Variants in PHTF2 observed in about 807,000 individuals in gnomAD.
PHTF2 encodes the protein putative homeodomain transcription factor 2.
In PHTF2, 60 loss-of-function variants were observed where a neutral mutation model predicts 101.2. That is an observed-to-expected ratio of 0.59 (90% CI 0.48 to 0.73). The LOEUF (loss-of-function observed/expected upper bound fraction) is 0.73, where lower values mean the gene tolerates loss of function less well. Among genes scored for constraint, PHTF2 ranks in the 30% least tolerant of loss-of-function variants. The pLI is 0.00. For synonymous variants in PHTF2, 311 were observed against 307.3 expected (o/e 1.01, Z -0.13); for missense variants, 747 against 908.7 (o/e 0.82, Z 2.29).
rs554912239 is a variant in PHTF2, at chr7:77,834,336, T to A, written c.-35-5885T>A. Among the ~76,000 whole-genome samples, 11 of 137,596 alleles carry A rather than the reference T, an allele frequency of 8.0e-5. No homozygotes were observed. The East Asian group carries it at 8.2e-4, about 10-fold the overall frequency. 90.3% of individuals were successfully genotyped at this position (137,596 alleles called of 152,430 possible). ...TCAAAAAAAAAAAAAAAAAAAAAAA[T>A]TTTAAACGGAAGGAAGAAGCAGTTC... On this transcript the variant is annotated intron_variant, in intron 1 of 19. Coordinates refer to ENST00000416283, the Ensembl canonical transcript of PHTF2.
intron 3 of PHTF2, among the ~76,000 whole-genome samples, chr7:77,881,545 T>C (rs1305354993): frequency 2.0e-5 from 3 of 152,020 alleles, no homozygotes; most frequent in African/African-American, 7.2e-5. Context: ...TTCTTTTTTC[T>C]TTTTTTGTAG....
chr7:77,859,669 T>A (rs770661678), intron 3 of PHTF2, among the ~76,000 whole-genome samples: 2 of 151,576 alleles, frequency 1.3e-5, no homozygotes, highest in Non-Finnish European at 2.9e-5. Context: ...GCCTAAGCGA[T>A]CTTCCCGCCT....
At chr7:77,839,533 A>T (rs1795712320) in intron 1 of PHTF2, among the ~76,000 whole-genome samples, 1 of 152,174 alleles carries the variant, frequency 6.6e-6, no homozygotes, top group Non-Finnish European at 1.5e-5. Context: ...CAGTAGCTTA[A>T]TTTTTTTCAA....
chr7:77,821,737 G>C (rs1002332694), intron 1 of PHTF2, among the ~76,000 whole-genome samples: 5 of 152,040 alleles, frequency 3.3e-5, no homozygotes, highest in Non-Finnish European at 5.9e-5. Flanking sequence ...TCTCAGGTTT[G>C]GGATGCAGAT....
chr7:77,812,026 C>A (rs1177218080), intron 1 of PHTF2, among the ~76,000 whole-genome samples: 1 of 152,086 alleles, frequency 6.6e-6, no homozygotes, highest in African/African-American at 2.4e-5. Context: ...AATTATAGCT[C>A]CAATGTTTTG....
chr7:77,844,607 C>T (rs1168227291), intron 2 of PHTF2, among the ~76,000 whole-genome samples: 1 of 152,172 alleles, frequency 6.6e-6, no homozygotes, highest in Non-Finnish European at 1.5e-5. Flanking sequence ...TCACAGCAAC[C>T]TCTGCCTCTT....
intron 1 of PHTF2, among the ~76,000 whole-genome samples, chr7:77,829,466 G>C (rs1166951795): frequency 6.6e-6 from 1 of 152,002 alleles, no homozygotes; most frequent in Non-Finnish European, 1.5e-5. Flanking sequence ...TAAAACGTGT[G>C]GTGTTTATTC....
chr7:77,865,365 A>G (rs1584526655), intron 3 of PHTF2, among the ~76,000 whole-genome samples: 1 of 151,870 alleles, frequency 6.6e-6, no homozygotes, highest in East Asian at 1.9e-4. Context: ...AGCTGGGACT[A>G]CAGGCATGCG....
At chr7:77,824,671 T>C (rs1057236244) in intron 1 of PHTF2, among the ~76,000 whole-genome samples, 3 of 152,164 alleles carry the variant, frequency 2.0e-5, no homozygotes, top group African/African-American at 7.2e-5. Flanking sequence ...CTGCCCGCCT[T>C]GGCCTCCCAA....
intron 11 of PHTF2, among the ~76,000 whole-genome samples, chr7:77,926,551 G>A (rs191822143): frequency 6.6e-6 from 1 of 151,756 alleles, no homozygotes; most frequent in Non-Finnish European, 1.5e-5. Flanking sequence ...ATTCACTCAA[G>A]GTATTTTGTT....
chr7:77,890,609 T>TA (rs1199559162), intron 3 of PHTF2, among the ~76,000 whole-genome samples: 3 of 140,798 alleles, frequency 2.1e-5, no homozygotes, highest in African/African-American at 7.9e-5. Context: ...CTTTTTTTTT[T>TA]TTTTTTTTTT....
chr7:77,812,747 G>A (rs7797530), intron 1 of PHTF2, among the ~76,000 whole-genome samples: 57 of 152,038 alleles, frequency 3.7e-4, no homozygotes, highest in African/African-American at 1.3e-3. Context: ...ACGCCACCAC[G>A]CCCAGCTGAT....
At chr7:77,897,671 T>C (rs999870486) in intron 5 of PHTF2, among the ~76,000 whole-genome samples, 1 of 152,184 alleles carries the variant, frequency 6.6e-6, no homozygotes, top group Non-Finnish European at 1.5e-5. Flanking sequence ...AGCTACTTAA[T>C]TAAAATCAGA....
At chr7:77,864,617 ATT>A (rs370777611) in intron 3 of PHTF2, among the ~76,000 whole-genome samples, 8 of 146,006 alleles carry the variant, frequency 5.5e-5, no homozygotes, top group African/African-American at 5.0e-5. Flanking sequence ...TATGCTTTTA[ATT>A]TTTTTTTTTT....
chr7:77,879,889 G>A (rs1799265871), intron 3 of PHTF2, among the ~76,000 whole-genome samples: 1 of 152,120 alleles, frequency 6.6e-6, no homozygotes, highest in Non-Finnish European at 1.5e-5. Context: ...GTATACAAAA[G>A]CATCTAGCCT....
chr7:77,923,033 T>G (rs1803630959), intron 11 of PHTF2: 1 of 1,135,446 alleles, frequency 8.8e-7, no homozygotes, highest in Non-Finnish European at 1.1e-6. Flanking sequence ...GTTGTTTGCT[T>G]TTAAAGAAGA....
chr7:77,832,949 C>T (rs1227051221), intron 1 of PHTF2, among the ~76,000 whole-genome samples: 3 of 152,102 alleles, frequency 2.0e-5, no homozygotes, highest in Non-Finnish European at 4.4e-5. Flanking sequence ...AGGTTGGGGA[C>T]TGCTGCAAGT....
chr7:77,888,543 G>A lies in PHTF2; in HGVS notation c.148-5065G>A, dbSNP rs542456536. ...GGGAGGAGAAAAAGAACAGTTAGGA[G>A]GTATCAAAAATTTCGAAGTCGTCAA... On this transcript the variant is annotated intron_variant, in intron 3 of 19. Transcript: ENST00000416283. Among the ~76,000 whole-genome samples, 117 of 152,176 alleles carry A rather than the reference G, an allele frequency of 7.7e-4. 1 individual carries two copies. The highest frequency in any genetic ancestry group is 1.4e-3 in the Admixed American group (21 of 15,286).
chr7:77,835,956 C>T (rs1795425072), intron 1 of PHTF2, among the ~76,000 whole-genome samples: 1 of 151,720 alleles, frequency 6.6e-6, no homozygotes, highest in Non-Finnish European at 1.5e-5. Flanking sequence ...CCTGTCTCTA[C>T]TAAAATTACA....
Sources: allele counts gnomAD v4.1 joint callset (sites outside exome capture counted in the v4.1 genomes callset), GRCh38; gene constraint gnomAD v4.1.1; transcripts MANE v1.5; gene names NCBI Gene and HGNC (gene_info 2026-07-23, HGNC 2026-07-21).